Variants in ITK observed in about 807,000 individuals in gnomAD.
ITK encodes the protein tyrosine-protein kinase ITK/TSK.
A neutral mutation model predicts 87.6 loss-of-function variants in ITK; 45 were observed. The ratio of observed to expected loss-of-function variants is 0.51; its 90% CI spans 0.40 to 0.66. The LOEUF (loss-of-function observed/expected upper bound fraction) is 0.66, where lower values mean the gene tolerates loss of function less well. Among genes scored for constraint, ITK ranks in the 30% least tolerant of loss-of-function variants. The probability of loss-of-function intolerance (pLI) is 0.00; values close to 1 mark genes in which losing one functional copy is unlikely to be tolerated. For missense variants in ITK, 605 were observed against 766.3 expected, an observed-to-expected ratio of 0.79 and a Z score of 2.48; for synonymous variants, 303 against 273.6, an observed-to-expected ratio of 1.11 and a Z score of -1.06.
At chr5:157,203,745 T>C (rs550780125) in intron 1 of ITK, among the ~76,000 whole-genome samples, 1 of 152,286 alleles carries the variant, frequency 6.6e-6, no homozygotes, top group East Asian at 1.9e-4. Flanking sequence ...AATGAGAAGA[T>C]AGTTTGAGCC....
intron 16 of ITK, among the ~76,000 whole-genome samples, chr5:157,250,717 C>T (rs1007676005): frequency 6.6e-6 from 1 of 152,074 alleles, no homozygotes; most frequent in African/African-American, 2.4e-5. Flanking sequence ...AGGGTTTTGC[C>T]ATGCTGCCCA....
rs1755213020 is a variant in ITK at position 157,254,506 on chromosome 5, A to C, written c.*1828A>C. 1 of 220,880 alleles carries C rather than the reference A, an allele frequency of 4.5e-6. No individual in the cohort carries two copies. Among genetic ancestry groups the C allele is most frequent in the East Asian group, 6.7e-5 (1 of 15,032 alleles). 13.7% of individuals were successfully genotyped at this position (220,880 alleles called of 1,614,324 possible). A position where few individuals can be genotyped will look rare whatever the true frequency, so the allele number is the denominator to read the frequency against. On this transcript the variant is annotated 3_prime_UTR_variant, in exon 17 of 17. Transcript: ENST00000422843. ...GGAGGGACATTCCCTGATATAAGAGAGGATGGTGTTGCAATTGGCTCTTTC... is the reference window on the plus strand; with the variant it reads ...GGAGGGACATTCCCTGATATAAGAGCGGATGGTGTTGCAATTGGCTCTTTC...
intron 8 of ITK, among the ~76,000 whole-genome samples, chr5:157,234,399 G>T (rs1347647849): frequency 6.6e-6 from 1 of 152,172 alleles, no homozygotes; most frequent in Non-Finnish European, 1.5e-5. Flanking sequence ...AGAATTGAAT[G>T]ACATTTTCTT....
chr5:157,215,005 T>G (rs1179042254), intron 4 of ITK, among the ~76,000 whole-genome samples: 1 of 152,208 alleles, frequency 6.6e-6, no homozygotes, highest in Non-Finnish European at 1.5e-5. Context: ...GGGCTGCAAC[T>G]GGATTTTATT....
chr5:157,249,339 G>A (rs552440561), intron 16 of ITK, among the ~76,000 whole-genome samples: 6 of 152,374 alleles, frequency 3.9e-5, no homozygotes, highest in East Asian at 1.9e-4. Context: ...ACCATTAAAA[G>A]CACAGGAAGT....
At chr5:157,220,242 T>G (rs25780) in intron 5 of ITK, among the ~76,000 whole-genome samples, 39,503 of 152,052 alleles carry the variant, frequency 0.26, 5,918 homozygotes, top group Non-Finnish European at 0.34. Context: ...GTTCAAGATG[T>G]AAAATATCCA....
intron 15 of ITK, among the ~76,000 whole-genome samples, chr5:157,247,647 T>C (rs1200862706): frequency 6.6e-6 from 1 of 152,052 alleles, no homozygotes; most frequent in Non-Finnish European, 1.5e-5. Flanking sequence ...AGAAATGAGG[T>C]TGATGGATGG....
intron 13 of ITK, 156 bp from the exon 14 acceptor site, chr5:157,245,570 T>C (rs1159611971): frequency 1.1e-5 from 8 of 701,694 alleles, no homozygotes; most frequent in Non-Finnish European, 1.8e-5. Context: ...TCCAGCGGCA[T>C]TTGTGAGGCT....
intron 1 of ITK, among the ~76,000 whole-genome samples, chr5:157,204,334 G>A (rs538552299): frequency 9.2e-5 from 14 of 152,286 alleles, no homozygotes; most frequent in African/African-American, 3.1e-4. Flanking sequence ...GCTGAGGCGG[G>A]CAGATTGCCT....
chr5:157,242,506 C>T (rs1754931114), intron 11 of ITK, among the ~76,000 whole-genome samples: 1 of 152,108 alleles, frequency 6.6e-6, no homozygotes, highest in Non-Finnish European at 1.5e-5. Flanking sequence ...GCATGATCTC[C>T]CTCTGTCACC....
intron 16 of ITK, among the ~76,000 whole-genome samples, chr5:157,251,903 C>T (rs1009072927): frequency 6.6e-6 from 1 of 152,156 alleles, no homozygotes; most frequent in African/African-American, 2.4e-5. Flanking sequence ...AGAGTAAGTC[C>T]TAAAGTCAGG....
In ITK at chr5:157,238,973, T is replaced by G. The variant is rs149267351; in HGVS notation, c.851+782T>G. Among the ~76,000 whole-genome samples, 381 of 152,240 alleles carry G rather than the reference T, an allele frequency of 2.5e-3. 2 individuals carry two copies. Among genetic ancestry groups the G allele is most frequent in the African/African-American group, 8.6e-3 (357 of 41,540 alleles). On this transcript the variant is annotated intron_variant, in intron 9 of 16. Transcript: ENST00000422843. ...AAATTTTTTTGGAAGACTGAGGATGTGAGCAGGACGTGGAGCAAGGGCAGG... is the reference window on the plus strand; with the variant it reads ...AAATTTTTTTGGAAGACTGAGGATGGGAGCAGGACGTGGAGCAAGGGCAGG...
chr5:157,242,840 A>G (rs1754938942), intron 11 of ITK, among the ~76,000 whole-genome samples: 2 of 152,196 alleles, frequency 1.3e-5, no homozygotes, highest in Admixed American at 1.3e-4. Flanking sequence ...ACTGCCACGC[A>G]TGGGCTTCTT....
rs61060647 is a variant in ITK, at chr5:157,220,241, G to A, written c.495+2334G>A. Among the ~76,000 whole-genome samples the A allele has an allele frequency of 4.6e-3, 698 of 152,272 alleles. 6 individuals are homozygous for A. The highest frequency in any genetic ancestry group is 0.016 in the African/African-American group (652 of 41,548). On this transcript the variant is annotated intron_variant, in intron 5 of 16. Transcript: ENST00000422843. ...GGGGATGGCTATTTTGGTTCAAGAT[G>A]TAAAATATCCATGGTCAGAGTGAAG...
intron 16 of ITK, among the ~76,000 whole-genome samples, chr5:157,250,326 T>A (rs1393996799): frequency 1.3e-5 from 2 of 152,216 alleles, no homozygotes; most frequent in Admixed American, 6.5e-5. Context: ...CATGTAGGCT[T>A]TTCGGACTGG....
At chr5:157,241,407 A>G (rs1187279623) in intron 10 of ITK, 1 of 351,768 alleles carries the variant, frequency 2.8e-6, no homozygotes, top group Non-Finnish European at 5.3e-6. Context: ...TAATTATATT[A>G]TATATCTTCT....
intron 15 of ITK, among the ~76,000 whole-genome samples, chr5:157,247,934 ATT>A (rs1561665933): frequency 6.6e-6 from 1 of 152,178 alleles, no homozygotes; most frequent in Non-Finnish European, 1.5e-5. Flanking sequence ...TTTCAAAAAA[ATT>A]TTCACTAAAA....
At chr5:157,235,362 G>A (rs982496359) in intron 8 of ITK, among the ~76,000 whole-genome samples, 2 of 152,204 alleles carry the variant, frequency 1.3e-5, no homozygotes, top group Non-Finnish European at 2.9e-5. Flanking sequence ...CCTCCTCCCA[G>A]AAGTCTCTCA....
intron 1 of ITK, among the ~76,000 whole-genome samples, chr5:157,191,901 G>A (rs552408130): frequency 2.6e-5 from 4 of 152,248 alleles, no homozygotes; most frequent in South Asian, 4.1e-4. Flanking sequence ...CCCCAAATAG[G>A]ATAATTGTGT....
Sources: allele counts gnomAD v4.1 joint callset (sites outside exome capture counted in the v4.1 genomes callset), GRCh38; gene constraint gnomAD v4.1.1; transcripts MANE v1.5; gene names NCBI Gene and HGNC (gene_info 2026-07-23, HGNC 2026-07-21).